The following SPECC1 variants were observed in gnomAD, a reference collection of about 807,000 sequenced individuals.
The protein encoded by SPECC1 is cytospin-B.
SPECC1 carries 62 observed loss-of-function variants against 104.1 expected under a neutral mutation model. The observed-to-expected ratio is 0.60, with a 90% CI of 0.49 to 0.74. The LOEUF (loss-of-function observed/expected upper bound fraction) is 0.74, where lower values mean the gene tolerates loss of function less well. SPECC1 is among the 30% of genes least tolerant of loss of function. The pLI is 0.00. For missense variants in SPECC1, 1,306 were observed against 1,310.5 expected (o/e 1.00, Z 0.05); for synonymous variants, 513 against 501.6 (o/e 1.02, Z -0.30).
intron 3 of SPECC1, among the ~76,000 whole-genome samples, chr17:20,199,995 G>A (rs761810878): frequency 4.6e-5 from 7 of 152,094 alleles, no homozygotes; most frequent in Non-Finnish European, 8.8e-5. Context: ...GTTTCACCAC[G>A]TTGGCCAGGA....
chr17:20,288,257 T>G (rs577758841), intron 12 of SPECC1, among the ~76,000 whole-genome samples: 1 of 152,316 alleles, frequency 6.6e-6, no homozygotes, highest in African/African-American at 2.4e-5. Context: ...GGACATAACG[T>G]GTGCATGTAT....
intron 1 of SPECC1, among the ~76,000 whole-genome samples, chr17:20,020,123 G>A (rs1567796615): frequency 1.3e-5 from 2 of 152,188 alleles, no homozygotes; most frequent in Admixed American, 6.5e-5. Context: ...ATTCTGTGTT[G>A]AGGGTGGTGA....
intron 7 of SPECC1, among the ~76,000 whole-genome samples, chr17:20,234,560 C>G (rs1401711578): frequency 6.6e-6 from 1 of 152,224 alleles, no homozygotes; most frequent in Non-Finnish European, 1.5e-5. Context: ...TGAATGAGTT[C>G]TTGATTGAAA....
chr17:20,222,821 G>T (rs533364457), intron 4 of SPECC1, among the ~76,000 whole-genome samples: 1 of 152,136 alleles, frequency 6.6e-6, no homozygotes, highest in South Asian at 2.1e-4. Flanking sequence ...CTTAGGTTTT[G>T]TTTGTCTGGG....
At chr17:20,244,509 A>G (rs1043214311) in intron 7 of SPECC1, among the ~76,000 whole-genome samples, 1 of 152,208 alleles carries the variant, frequency 6.6e-6, no homozygotes, top group South Asian at 2.1e-4. Flanking sequence ...TTCACTCATA[A>G]GAAGGGACTG....
At chr17:20,236,653 G>A (rs1598056214) in intron 7 of SPECC1, among the ~76,000 whole-genome samples, 1 of 121,588 alleles carries the variant, frequency 8.2e-6, no homozygotes, top group East Asian at 3.1e-4. Flanking sequence ...TTTGCAGTCT[G>A]GCTTTTTTTT....
chr17:20,164,877 A>T (rs2033508174), intron 3 of SPECC1, among the ~76,000 whole-genome samples: 1 of 152,166 alleles, frequency 6.6e-6, no homozygotes. Context: ...ATATCACCTG[A>T]TTAGAGTTTA....
rs1415212012 is a variant in SPECC1 at position 20,204,778 on chromosome 17, A to C, written c.729A>C (p.Leu243=). Residue 243 remains leucine, a synonymous_variant, in exon 4 of 15, where the codon CTA becomes CTC. Transcript: ENST00000395527. ...NKNFQKELSD[L]EEENRVLKEK... ...ACTTTCAGAAAGAGCTTTCCGATCT[A>C]GAGGAAGAAAACCGGGTCCTGAAGG... 7 of 1,614,128 alleles carry C rather than the reference A, an allele frequency of 4.3e-6. No homozygotes were observed. The highest frequency in any genetic ancestry group is 5.9e-6 in the Non-Finnish European group (7 of 1,180,028).
intron 4 of SPECC1, among the ~76,000 whole-genome samples, chr17:20,212,964 T>G (rs2037253331): frequency 6.6e-6 from 1 of 152,354 alleles, no homozygotes; most frequent in African/African-American, 2.4e-5. Flanking sequence ...TATCTTAATT[T>G]TATGCTGTTG....
At chr17:20,148,608 CAGAG>C (rs2031692175) in intron 3 of SPECC1, among the ~76,000 whole-genome samples, 1 of 151,068 alleles carries the variant, frequency 6.6e-6, no homozygotes, top group Admixed American at 6.6e-5. Context: ...CTTGCCTACT[CAGAG>C]AGGGCCACTC....
chr17:20,078,549 T>C (rs938290755), intron 1 of SPECC1, among the ~76,000 whole-genome samples: 2 of 152,144 alleles, frequency 1.3e-5, no homozygotes, highest in Admixed American at 6.5e-5. Context: ...GAGAGAATCA[T>C]AGGAAGATGG....
chr17:20,310,117 C>T (rs565961016), intron 14 of SPECC1, among the ~76,000 whole-genome samples: 8 of 152,232 alleles, frequency 5.3e-5, no homozygotes, highest in Admixed American at 3.9e-4. Context: ...CCACTGTGCC[C>T]GGCCCTTTAT....
At chr17:20,188,074 G>C (rs1013882225) in intron 3 of SPECC1, among the ~76,000 whole-genome samples, 10 of 152,214 alleles carry the variant, frequency 6.6e-5, no homozygotes, top group Non-Finnish European at 1.5e-4. Flanking sequence ...GGGCTGTCTA[G>C]TGGTGGGTTT....
intron 12 of SPECC1, among the ~76,000 whole-genome samples, chr17:20,275,102 C>A (rs2040533754): frequency 1.3e-5 from 2 of 152,026 alleles, no homozygotes; most frequent in African/African-American, 4.8e-5. Context: ...TTTTAATGAG[C>A]TATCCATATG....
chr17:20,027,393 T>A (rs755086054), intron 1 of SPECC1, among the ~76,000 whole-genome samples: 31 of 152,214 alleles, frequency 2.0e-4, no homozygotes, highest in Non-Finnish European at 3.4e-4. Flanking sequence ...TTTCATTCTG[T>A]TGTTTCCTTT....
intron 12 of SPECC1, among the ~76,000 whole-genome samples, chr17:20,280,074 C>T (rs888904005): frequency 8.5e-5 from 13 of 152,134 alleles, no homozygotes; most frequent in African/African-American, 3.1e-4. Flanking sequence ...AAATGGATTC[C>T]ACCTGTGTGC....
At chr17:20,032,302 T>C (rs149307474) in intron 1 of SPECC1, among the ~76,000 whole-genome samples, 1 of 152,270 alleles carries the variant, frequency 6.6e-6, no homozygotes, top group Non-Finnish European at 1.5e-5. Context: ...TTGTATAGGT[T>C]ATTGCTTTAA....
At chr17:20,257,349 C>A in intron 10 of SPECC1, 102 bp from the exon 11 acceptor site, 1 of 1,342,388 alleles carries the variant, frequency 7.4e-7, no homozygotes, top group Non-Finnish European at 1.0e-6. Flanking sequence ...TATGTTTGCA[C>A]TTGAGGATAA....
At position 20,304,390 on chromosome 17, in the gene SPECC1, T is replaced by A. The variant is rs962347233; in HGVS notation, c.3058-1633T>A. 9.2e-5 allele frequency among the ~76,000 whole-genome samples: 14 copies of A among 152,284 alleles called. No homozygotes were observed. The East Asian group carries it at 2.7e-3, about 29-fold the overall frequency. On this transcript the variant is annotated intron_variant, in intron 13 of 14. Transcript: ENST00000395527. ...TAACAATTTAATTTTAATATAATCC[T>A]AATAATTTTGAAATGAATTTTGGAA...
Sources: allele counts gnomAD v4.1 joint callset (sites outside exome capture counted in the v4.1 genomes callset), GRCh38; gene constraint gnomAD v4.1.1; transcripts MANE v1.5; gene names NCBI Gene and HGNC (gene_info 2026-07-23, HGNC 2026-07-21).